Variants in FBN3 observed in about 807,000 individuals in gnomAD.
The protein encoded by FBN3 is fibrillin 3, also known as fibrillin-3.
FBN3 carries 234 observed loss-of-function variants against 330.1 expected under a neutral mutation model. The observed-to-expected ratio is 0.71, with a 90% CI of 0.64 to 0.79. The LOEUF (loss-of-function observed/expected upper bound fraction) is 0.79. Among genes scored for constraint, FBN3 ranks in the 30% least tolerant of loss-of-function variants. The probability of loss-of-function intolerance (pLI) is 0.00; values close to 1 mark genes in which losing one functional copy is unlikely to be tolerated. For missense variants in FBN3, 3,606 were observed against 3,886.9 expected (o/e 0.93, Z 1.92); for synonymous variants, 1,458 against 1,517.3 (o/e 0.96, Z 0.91).
chr19:8,140,710 C>T (rs774054762), intron 8 of FBN3, among the ~76,000 whole-genome samples: 1 of 152,100 alleles, frequency 6.6e-6, no homozygotes, highest in Non-Finnish European at 1.5e-5. Context: ...CCCAAGGCCA[C>T]AGGGTCTGTG....
intron 42 of FBN3, 46 bp downstream of exon 42, chr19:8,097,243 T>C (rs760005760): frequency 6.3e-6 from 10 of 1,579,402 alleles, no homozygotes; most frequent in African/African-American, 1.3e-5. Context: ...GTGGCGGACA[T>C]GCATCCCACC....
intron 63 of FBN3, among the ~76,000 whole-genome samples, chr19:8,070,557 G>A (rs985859808): frequency 6.6e-6 from 1 of 152,184 alleles, no homozygotes; most frequent in Non-Finnish European, 1.5e-5. Context: ...TGATGGCTTC[G>A]GAAGACAGAG....
intron 60 of FBN3, 42 bp downstream of exon 60, chr19:8,075,241 A>G: frequency 6.3e-7 from 1 of 1,584,794 alleles, no homozygotes; most frequent in Non-Finnish European, 8.6e-7. Flanking sequence ...TCTCAGGACC[A>G]ACACCCCCAA....
rs761331401 is a variant in FBN3, at chr19:8,111,741, G to A, written c.3991C>T (p.Arg1331Trp). Residue 1331 changes from arginine (R) to tryptophan (W), a missense_variant, in exon 32 of 64, where the codon CGG (arginine) becomes TGG (tryptophan). Arg to Trp is a moderately radical substitution (Grantham distance 101). Coordinates refer to ENST00000600128, the MANE Select transcript of FBN3 (RefSeq NM_032447.5). ...AGACAGTCACCTCTTGGGCTGCACC[G>A]GTGCTCCTGGGAGACGCATTCATCC... ...DLDECVSQEH[R>W]CSPRGDCLNV... 28 of 1,609,430 alleles carry A rather than the reference G, an allele frequency of 1.7e-5. No homozygotes were observed. The highest frequency in any genetic ancestry group is 2.2e-5 in the East Asian group (1 of 44,624).
At chr19:8,128,376 G>A (rs375829300) in intron 18 of FBN3, among the ~76,000 whole-genome samples, 3 of 151,868 alleles carry the variant, frequency 2.0e-5, no homozygotes, top group East Asian at 1.9e-4. Context: ...CCAGCCTGGC[G>A]AACATGGTGA....
rs2144667033 is a variant in FBN3 at position 8,086,928 on chromosome 19, A to G, written c.6754+149T>C. ...TCCCTCCCATTCATTGAAGCCTCAA[A>G]TTCCTGGGCTCAAGCGATCCTCTCG... On this transcript the variant is annotated intron_variant, in intron 54 of 63. Coordinates refer to ENST00000600128, the MANE Select transcript of FBN3 (RefSeq NM_032447.5). 4.2e-6 allele frequency: 4 copies of G among 949,268 alleles called. No homozygotes were observed. In the East Asian group the frequency reaches 9.3e-5, roughly 22 times the overall value. The allele number at this position is 949,268 out of a possible 1,614,324, so 58.8% of individuals were successfully genotyped here. A position where few individuals can be genotyped will look rare whatever the true frequency, so the allele number is the denominator to read the frequency against.
chr19:8,099,051 A>G (rs920592895), intron 41 of FBN3, among the ~76,000 whole-genome samples: 2 of 152,286 alleles, frequency 1.3e-5, no homozygotes, highest in East Asian at 1.9e-4. Flanking sequence ...ATTTGGACGA[A>G]AAAAGCAAGT....
At chr19:8,138,925 T>C (rs2083350511) in intron 8 of FBN3, among the ~76,000 whole-genome samples, 1 of 152,152 alleles carries the variant, frequency 6.6e-6, no homozygotes, top group African/African-American at 2.4e-5. Flanking sequence ...CAGGCACTTG[T>C]AATCACAGCT....
chr19:8,147,438 G>C lies in FBN3; in HGVS notation c.43C>G (p.Arg15Gly), dbSNP rs751942669. 3 of 1,569,616 alleles carry C rather than the reference G, an allele frequency of 1.9e-6. No homozygotes were observed. The highest frequency in any genetic ancestry group is 1.7e-6 in the Non-Finnish European group (2 of 1,160,408). Residue 15 changes from arginine (R) to glycine (G), a missense_variant, in exon 2 of 64, where the codon CGG (arginine) becomes GGG (glycine). Arg to Gly is a moderately radical substitution (Grantham distance 125). Coordinates refer to ENST00000600128, the MANE Select transcript of FBN3 (RefSeq NM_032447.5). ...GLYLARGPLA[R>G]LLLAWSALLC... The stretch of plus-strand genomic sequence containing the variant: ...AGGGCCGACCAGGCCAGCAGGAGCC[G>C]GGCCAGGGGGCCCCTTGCCAAATAC...
chr19:8,121,310 G>C lies in FBN3; in HGVS notation c.3159C>G (p.Cys1053Trp). Residue 1053 changes from cysteine (C) to tryptophan (W), a missense_variant, in exon 25 of 64, where the codon TGC (cysteine) becomes TGG (tryptophan). Physicochemically the swap from Cys to Trp is radical, Grantham distance 215. Coordinates refer to ENST00000600128, the MANE Select transcript of FBN3 (RefSeq NM_032447.5). This position sits in a 1 kb window ranked among gnomAD's most constrained non-coding sequence, Gnocchi z 4.5. Reference sequence around the variant, plus strand: ...CACTCTCGTAGCCGGGAAAACACTCGCACTCAAAGCTGCCCGGCGTGTTGA... The same window carrying C: ...CACTCTCGTAGCCGGGAAAACACTCCCACTCAAAGCTGCCCGGCGTGTTGA... ...TCVNTPGSFE[C>W]ECFPGYESGF... 1.2e-6 allele frequency: 2 copies of C among 1,613,118 alleles called. No individual in the cohort carries two copies. The highest frequency in any genetic ancestry group is 2.2e-5 in the East Asian group (1 of 44,806).
At chr19:8,076,318 T>C (rs2081640715) in intron 59 of FBN3, among the ~76,000 whole-genome samples, 1 of 151,888 alleles carries the variant, frequency 6.6e-6, no homozygotes, top group Non-Finnish European at 1.5e-5. Context: ...TGATCATCTT[T>C]CTATGTCTTT....
At position 8,127,849 on chromosome 19, in the gene FBN3, C is replaced by A. The variant is rs184565546; in HGVS notation, c.2297-1017G>T. ...AATACAAATTAGCTGGGCGTGATGGCACACGCCTGTAGTCCGGGCTACTTG... is the reference window on the plus strand; with the variant it reads ...AATACAAATTAGCTGGGCGTGATGGAACACGCCTGTAGTCCGGGCTACTTG... On this transcript the variant is annotated intron_variant, in intron 18 of 63. Transcript: ENST00000600128. Among the ~76,000 whole-genome samples, 1,023 of 152,178 alleles carry A rather than the reference C, an allele frequency of 6.7e-3. 13 individuals carry two copies. Among genetic ancestry groups the A allele is most frequent in the African/African-American group, 0.023 (975 of 41,524 alleles).
In FBN3 at chr19:8,089,674, C is replaced by T. The variant is rs2082048704; in HGVS notation, c.6251-4G>A. The stretch of plus-strand genomic sequence containing the variant: ...TTCTCTGCACACTCATTCACGTCTG[C>T]GGATGGCAGGCGTTGCAGACATGGC... On this transcript the variant is annotated splice_polypyrimidine_tract_variant and splice_region_variant and intron_variant, in intron 50 of 63. Transcript: ENST00000600128. 2.5e-6 allele frequency: 4 copies of T among 1,613,702 alleles called. No homozygotes were observed. Among genetic ancestry groups the T allele is most frequent in the Non-Finnish European group, 2.5e-6 (3 of 1,179,852 alleles).
Position 8,087,195 on chromosome 19 carries a change from T to C in FBN3, c.6636A>G (p.Ala2212=). The C allele has an allele frequency of 6.2e-7, 1 of 1,600,136 alleles. No homozygotes were observed. The highest frequency in any genetic ancestry group is 1.1e-5 in the South Asian group (1 of 90,102). ...GAMCRDVDEC[A]DGQQDCHARG... Reference sequence around the variant, plus strand: ...GGGCGTGGCAGTCCTGCTGACCATCTGCACACTCGTCCACATCTTCGGATG... The same window carrying C: ...GGGCGTGGCAGTCCTGCTGACCATCCGCACACTCGTCCACATCTTCGGATG... Residue 2212 remains alanine (A), a synonymous_variant, in exon 54 of 64, where the codon GCA becomes GCG. Transcript: ENST00000600128.
chr19:8,082,654 C>A (rs1446921391), intron 57 of FBN3, among the ~76,000 whole-genome samples: 1 of 151,980 alleles, frequency 6.6e-6, no homozygotes, highest in Non-Finnish European at 1.5e-5. Context: ...CCAGCACGTG[C>A]AGCTAATTTT....
At chr19:8,107,602 A>C (rs1406200197) in intron 37 of FBN3, among the ~76,000 whole-genome samples, 2 of 148,040 alleles carry the variant, frequency 1.4e-5, no homozygotes, top group Non-Finnish European at 3.0e-5. Flanking sequence ...AATGGACAGA[A>C]AGATGGGGGA....
chr19:8,115,383 A>T, intron 30 of FBN3, 132 bp downstream of exon 30: 1 of 1,213,452 alleles, frequency 8.2e-7, no homozygotes, highest in Non-Finnish European at 1.1e-6. Context: ...CTTTAACACA[A>T]GAAGCCATCC....
chr19:8,083,158 G>A, intron 57 of FBN3, 89 bp downstream of exon 57: 1 of 1,500,640 alleles, frequency 6.7e-7, no homozygotes, highest in East Asian at 2.3e-5. Flanking sequence ...ACATTGCAAA[G>A]TGGAAAGTCT....
chr19:8,118,132 CAT>C (rs1233636978), intron 26 of FBN3, among the ~76,000 whole-genome samples: 3 of 152,012 alleles, frequency 2.0e-5, no homozygotes, highest in African/African-American at 7.3e-5. Context: ...TGTGCAAACA[CAT>C]GTCCACACCC....
Sources: allele counts gnomAD v4.1 joint callset (sites outside exome capture counted in the v4.1 genomes callset), GRCh38; gene constraint gnomAD v4.1.1; non-coding constraint Gnocchi (gnomAD v3.1); transcripts MANE v1.5; gene names NCBI Gene and HGNC (gene_info 2026-07-23, HGNC 2026-07-21).